The following DENND1A variants were observed in gnomAD, a reference collection of about 807,000 sequenced individuals.
DENND1A encodes the protein DENN domain-containing protein 1A.
In DENND1A, 51 loss-of-function variants were observed where a neutral mutation model predicts 113.7. The ratio of observed to expected loss-of-function variants is 0.45; its 90% confidence interval spans 0.36 to 0.57. The LOEUF is 0.57. Ranked by LOEUF, DENND1A falls within the 20% of genes least tolerant of loss-of-function variation. The pLI, the probability that DENND1A is intolerant of heterozygous loss-of-function variation, is 0.00. For missense variants in DENND1A, 1,258 were observed against 1,395.9 expected (o/e 0.90, Z 1.57); for synonymous variants, 565 against 570.8 (o/e 0.99, Z 0.14).
At chr9:123,462,851 A>C (rs4559309) in intron 13 of DENND1A, among the ~76,000 whole-genome samples, 144,261 of 152,204 alleles carry the variant, frequency 0.95, 68,764 homozygotes, top group Non-Finnish European at 1. Context: ...GTTCTCCTGC[A>C]CACAAAGCAC....
intron 19 of DENND1A, among the ~76,000 whole-genome samples, chr9:123,428,772 T>C (rs1006970957): frequency 1.3e-5 from 2 of 152,196 alleles, no homozygotes; most frequent in African/African-American, 4.8e-5. Context: ...AGCCAAATCA[T>C]GAATGAACTC....
intron 1 of DENND1A, among the ~76,000 whole-genome samples, chr9:123,890,749 G>C (rs1418320424): frequency 6.6e-6 from 1 of 152,198 alleles, no homozygotes; most frequent in African/African-American, 2.4e-5. Context: ...CAGTTTGTAA[G>C]AGATAGAGCT....
intron 20 of DENND1A, among the ~76,000 whole-genome samples, chr9:123,406,342 A>G (rs2043850669): frequency 6.6e-6 from 1 of 152,224 alleles, no homozygotes; most frequent in Admixed American, 6.5e-5. Context: ...ATACAGGGAA[A>G]GTCCCCCCAA....
At position 123,652,269 on chromosome 9, in the gene DENND1A, AT is replaced by A. The variant is rs1429424559; in HGVS notation, c.508-147del. 4 of 651,502 alleles carry A rather than the reference AT, an allele frequency of 6.1e-6. No individual in the cohort carries two copies. The African/African-American group carries it at 7.3e-5, about 12-fold the overall frequency. 40.4% of individuals were successfully genotyped at this position (651,502 alleles called of 1,614,324 possible). A position where few individuals can be genotyped will look rare whatever the true frequency, so the allele number is the denominator to read the frequency against. ...CTTTTCTTTCTACCTGGGAGGCCAAATCCCCACATGTGTAAAATCATGAAGG... is the reference window on the plus strand; with the variant it reads ...CTTTTCTTTCTACCTGGGAGGCCAAACCCCACATGTGTAAAATCATGAAGG... On this transcript the variant is annotated intron_variant, in intron 8 of 23. Transcript: ENST00000394215.
intron 3 of DENND1A, among the ~76,000 whole-genome samples, chr9:123,777,958 G>A (rs1830702278): frequency 6.6e-6 from 1 of 152,170 alleles, no homozygotes; most frequent in Middle Eastern, 3.4e-3. Flanking sequence ...CTGATAGAAA[G>A]AATAGGAAGA....
At chr9:123,724,362 T>C (rs1260179235) in intron 5 of DENND1A, among the ~76,000 whole-genome samples, 2 of 152,072 alleles carry the variant, frequency 1.3e-5, no homozygotes, top group South Asian at 2.1e-4. Context: ...ATCTCAACCT[T>C]TAGAGGTACT....
chr9:123,748,171 T>C (rs1220899096), intron 5 of DENND1A, among the ~76,000 whole-genome samples: 1 of 152,210 alleles, frequency 6.6e-6, no homozygotes, highest in East Asian at 1.9e-4. Context: ...AAAGAATATT[T>C]AATGACATGT....
chr9:123,485,776 C>A (rs959517681), intron 13 of DENND1A, among the ~76,000 whole-genome samples: 3 of 152,168 alleles, frequency 2.0e-5, no homozygotes, highest in Non-Finnish European at 4.4e-5. Flanking sequence ...CTTTGAGGAG[C>A]ATGTGCTGGT....
chr9:123,500,822 C>G (rs1049239057), intron 13 of DENND1A, among the ~76,000 whole-genome samples: 1 of 152,212 alleles, frequency 6.6e-6, no homozygotes, highest in Non-Finnish European at 1.5e-5. Flanking sequence ...TCTCCAGTAT[C>G]AAGGGCAGGA....
At chr9:123,721,306 T>C (rs1452095502) in intron 5 of DENND1A, among the ~76,000 whole-genome samples, 1 of 152,200 alleles carries the variant, frequency 6.6e-6, no homozygotes, top group Non-Finnish European at 1.5e-5. Flanking sequence ...CCTGCCATTC[T>C]CCTCTGCTCC....
intron 13 of DENND1A, among the ~76,000 whole-genome samples, chr9:123,509,505 C>T (rs931663584): frequency 1.3e-5 from 2 of 152,208 alleles, no homozygotes; most frequent in Admixed American, 1.3e-4. Context: ...GCACCATCTT[C>T]CTTTATGGCC....
intron 3 of DENND1A, among the ~76,000 whole-genome samples, chr9:123,774,276 C>G (rs1830156819): frequency 6.6e-6 from 1 of 152,124 alleles, no homozygotes; most frequent in Non-Finnish European, 1.5e-5. Context: ...AAAAACAGAA[C>G]ACACACAAAA....
chr9:123,661,015 G>A (rs535719728), intron 8 of DENND1A, among the ~76,000 whole-genome samples: 1 of 152,318 alleles, frequency 6.6e-6, no homozygotes, highest in East Asian at 1.9e-4. Context: ...ATTCAACAAA[G>A]AATGATCTGG....
chr9:123,909,560 A>G (rs1349130764), intron 1 of DENND1A, among the ~76,000 whole-genome samples: 1 of 152,042 alleles, frequency 6.6e-6, no homozygotes, highest in Non-Finnish European at 1.5e-5. Flanking sequence ...AAGGGCATCT[A>G]AGAAAAACAG....
intron 2 of DENND1A, among the ~76,000 whole-genome samples, chr9:123,866,388 C>G (rs1845799547): frequency 6.6e-6 from 1 of 152,088 alleles, no homozygotes; most frequent in Non-Finnish European, 1.5e-5. Flanking sequence ...TTCATGTGCC[C>G]AAAGTGTGTT....
intron 2 of DENND1A, among the ~76,000 whole-genome samples, chr9:123,799,894 AAT>A (rs1244413177): frequency 6.6e-6 from 1 of 152,224 alleles, no homozygotes; most frequent in East Asian, 1.9e-4. Flanking sequence ...GCACACAATA[AAT>A]ATTAGTTGTT....
At chr9:123,687,500 T>C (rs1268866994) in intron 5 of DENND1A, among the ~76,000 whole-genome samples, 1 of 152,224 alleles carries the variant, frequency 6.6e-6, no homozygotes, top group Non-Finnish European at 1.5e-5. Context: ...CATCCAAGAA[T>C]GACCCTGTGC....
intron 13 of DENND1A, among the ~76,000 whole-genome samples, chr9:123,556,645 C>T (rs2057430619): frequency 6.6e-6 from 1 of 152,226 alleles, no homozygotes. Context: ...ATTCTGACTC[C>T]GACTAGGCTG....
At chr9:123,852,129 A>T (rs990085969) in intron 2 of DENND1A, among the ~76,000 whole-genome samples, 1 of 152,038 alleles carries the variant, frequency 6.6e-6, no homozygotes, top group Non-Finnish European at 1.5e-5. Context: ...CCGCCATTAC[A>T]CTCTGGGGAA....
Sources: allele counts gnomAD v4.1 joint callset (sites outside exome capture counted in the v4.1 genomes callset), GRCh38; gene constraint gnomAD v4.1.1; transcripts MANE v1.5; gene names NCBI Gene and HGNC (gene_info 2026-07-23, HGNC 2026-07-21).